The following IGSF23 variants were observed in gnomAD, a reference collection of about 807,000 sequenced individuals.
IGSF23 encodes the protein immunoglobulin superfamily member 23.
A neutral mutation model predicts 17.8 loss-of-function variants in IGSF23; 14 were observed. The observed-to-expected ratio is 0.79, with a 90% CI of 0.52 to 1.23. The LOEUF (loss-of-function observed/expected upper bound fraction) is 1.23. Among genes scored for constraint, IGSF23 ranks in the 50% most tolerant of loss-of-function variants. The probability of loss-of-function intolerance (pLI) is 0.00; values close to 1 mark genes in which losing one functional copy is unlikely to be tolerated. For missense variants in IGSF23, 214 were observed against 241.7 expected (o/e 0.89, Z 0.76); for synonymous variants, 85 against 92.5 (o/e 0.92, Z 0.46).
chr19:44,620,409 C>T (rs1972493165), intron 1 of IGSF23, among the ~76,000 whole-genome samples: 1 of 151,178 alleles, frequency 6.6e-6, no homozygotes, highest in Admixed American at 6.6e-5. Flanking sequence ...CTCTGTCGCC[C>T]AGGCTGGAGT....
intron 1 of IGSF23, 151 bp downstream of exon 1, chr19:44,613,921 A>G (rs1972309233): frequency 1.9e-6 from 3 of 1,547,544 alleles, no homozygotes; most frequent in Non-Finnish European, 2.6e-6. Context: ...CCTGGACAGA[A>G]CACGAGATGA....
At chr19:44,613,881 G>GT (rs1972307709) in intron 1 of IGSF23, 111 bp downstream of exon 1, 2 of 1,548,680 alleles carry the variant, frequency 1.3e-6, no homozygotes, top group Non-Finnish European at 1.7e-6. Context: ...AAGACCCCAT[G>GT]TGTGATGAGG....
chr19:44,624,192 TTTC>T (rs1486531164), intron 2 of IGSF23, among the ~76,000 whole-genome samples: 2 of 152,028 alleles, frequency 1.3e-5, no homozygotes, highest in African/African-American at 2.4e-5. Flanking sequence ...TCTTCTTTTC[TTTC>T]TTCTTCTTTT....
chr19:44,623,161 G>A (rs551751911), intron 1 of IGSF23, among the ~76,000 whole-genome samples: 9 of 152,286 alleles, frequency 5.9e-5, no homozygotes, highest in Non-Finnish European at 1.2e-4. Context: ...ATCCAGAGGC[G>A]AGGATTCAAG....
intron 1 of IGSF23, chr19:44,618,193 G>A (rs1972429856): frequency 6.4e-6 from 3 of 471,048 alleles, no homozygotes; most frequent in South Asian, 4.6e-5. Flanking sequence ...AGGCTTGAAG[G>A]CATTCTCACC....
At chr19:44,633,653 C>T (rs1202239848) in intron 3 of IGSF23, among the ~76,000 whole-genome samples, 1 of 152,168 alleles carries the variant, frequency 6.6e-6, no homozygotes, top group East Asian at 1.9e-4. Context: ...GTTGAATTGG[C>T]CACGTGGACG....
At chr19:44,622,965 C>T (rs1972553499) in intron 1 of IGSF23, among the ~76,000 whole-genome samples, 1 of 152,208 alleles carries the variant, frequency 6.6e-6, no homozygotes, top group South Asian at 2.1e-4. Context: ...TACCCCACCC[C>T]CAGTCCAACC....
intron 3 of IGSF23, among the ~76,000 whole-genome samples, chr19:44,633,619 C>T (rs1376812549): frequency 6.6e-6 from 1 of 152,176 alleles, no homozygotes; most frequent in Non-Finnish European, 1.5e-5. Flanking sequence ...GCTTTACCAA[C>T]TCCAACTATG....
intron 3 of IGSF23, among the ~76,000 whole-genome samples, chr19:44,627,951 T>TC (rs1201544291): frequency 1.3e-5 from 2 of 151,140 alleles, no homozygotes; most frequent in Non-Finnish European, 3.0e-5. Context: ...CTTTTTCTTT[T>TC]TTTTTTTTTT....
At chr19:44,614,139 G>C in intron 1 of IGSF23, 1 of 497,332 alleles carries the variant, frequency 2.0e-6, no homozygotes, top group Non-Finnish European at 3.6e-6. Context: ...AACTCTTGAA[G>C]GCCACTCCGC....
At chr19:44,628,662 G>A (rs1972706076) in intron 3 of IGSF23, among the ~76,000 whole-genome samples, 1 of 152,124 alleles carries the variant, frequency 6.6e-6, no homozygotes, top group African/African-American at 2.4e-5. Flanking sequence ...TGAGATGGGA[G>A]GATCACCTGA....
intron 3 of IGSF23, among the ~76,000 whole-genome samples, chr19:44,628,089 T>C (rs1396975123): frequency 6.6e-6 from 1 of 151,724 alleles, no homozygotes; most frequent in Non-Finnish European, 1.5e-5. Flanking sequence ...GGATTACAGG[T>C]GCATACCACC....
intron 3 of IGSF23, among the ~76,000 whole-genome samples, chr19:44,631,792 T>G (rs1218170317): frequency 1.3e-5 from 2 of 152,252 alleles, no homozygotes; most frequent in Admixed American, 6.5e-5. Flanking sequence ...AGATCACTCA[T>G]GCGGTTGTTT....
chr19:44,622,633 G>A (rs991506913), intron 1 of IGSF23, among the ~76,000 whole-genome samples: 2 of 152,114 alleles, frequency 1.3e-5, no homozygotes, highest in East Asian at 1.9e-4. Flanking sequence ...GCCAGCTCAC[G>A]TCCCTCCTCT....
intron 3 of IGSF23, among the ~76,000 whole-genome samples, 194 bp downstream of exon 3, chr19:44,627,767 C>G (rs1281981583): frequency 6.6e-6 from 1 of 152,154 alleles, no homozygotes; most frequent in Non-Finnish European, 1.5e-5. Flanking sequence ...GAAGAGGACA[C>G]TAGAGCTGGG....
intron 4 of IGSF23, 35 bp downstream of exon 4, chr19:44,635,500 T>C (rs1972871266): frequency 2.7e-6 from 4 of 1,466,226 alleles, no homozygotes; most frequent in Non-Finnish European, 3.7e-6. Context: ...AAATCCTAGG[T>C]TTGGGAACAG....
rs764832145 is a variant in IGSF23, at chr19:44,635,371, TC to T, written c.546-29del. On this transcript the variant is annotated intron_variant, in intron 3 of 4. Transcript: ENST00000402988. ...TATTCTCTCTCTCTCTCTCTCTCTCTCTCTGTCTCTCTCTCTCTCTCCACTG... is the reference window on the plus strand; with the variant it reads ...TATTCTCTCTCTCTCTCTCTCTCTCTTCTGTCTCTCTCTCTCTCTCCACTG... The T allele has an allele frequency of 3.0e-3, 4,402 of 1,479,742 alleles. 104 individuals carry two copies. The African/African-American group carries it at 0.047, about 16-fold the overall frequency. 91.7% of individuals were successfully genotyped at this position (1,479,742 alleles called of 1,614,324 possible). A position where few individuals can be genotyped will look rare whatever the true frequency, so the allele number is the denominator to read the frequency against.
At chr19:44,619,097 G>A (rs540900178) in intron 1 of IGSF23, among the ~76,000 whole-genome samples, 12 of 152,154 alleles carry the variant, frequency 7.9e-5, no homozygotes, top group African/African-American at 2.4e-4. Flanking sequence ...TAATCATAGC[G>A]AAGGCAAAGG....
intron 2 of IGSF23, 144 bp from the exon 3 acceptor site, chr19:44,627,276 G>A (rs1489382882): frequency 1.3e-6 from 1 of 770,586 alleles, no homozygotes; most frequent in African/African-American, 1.7e-5. Context: ...CAGGAGAGCA[G>A]GGAGGAGAGG....
Sources: allele counts gnomAD v4.1 joint callset (sites outside exome capture counted in the v4.1 genomes callset), GRCh38; gene constraint gnomAD v4.1.1; transcripts MANE v1.5; gene names NCBI Gene and HGNC (gene_info 2026-07-23, HGNC 2026-07-21).